Variants in ANO10 observed in about 807,000 individuals in gnomAD.
ANO10 encodes the protein anoctamin 10, also known as anoctamin-10.
Under a neutral mutation model 74.7 loss-of-function variants are expected in ANO10, and 77 were observed. The ratio of observed to expected loss-of-function variants is 1.03; its 90% CI spans 0.86 to 1.25. The LOEUF (loss-of-function observed/expected upper bound fraction) is 1.25, where lower values mean the gene tolerates loss of function less well. ANO10 is among the 50% of genes most tolerant of loss of function. ANO10 has a pLI of 0.00. For synonymous variants in ANO10, 279 were observed against 284.9 expected (o/e 0.98, Z 0.21); for missense variants, 721 against 778.1 (o/e 0.93, Z 0.87).
intron 12 of ANO10, among the ~76,000 whole-genome samples, chr3:43,411,861 CTGTCACTG>C (rs2092670255): frequency 6.6e-6 from 1 of 152,086 alleles, no homozygotes; most frequent in Non-Finnish European, 1.5e-5. Flanking sequence ...CTTTCTGAGA[CTGTCACTG>C]TGTTAGGATG....
At chr3:43,681,194 CAG>C (rs1308196254) in intron 1 of ANO10, among the ~76,000 whole-genome samples, 1 of 151,980 alleles carries the variant, frequency 6.6e-6, no homozygotes, top group African/African-American at 2.4e-5. Flanking sequence ...ATCTCACATG[CAG>C]AGACACACAT....
intron 1 of ANO10, among the ~76,000 whole-genome samples, chr3:43,651,817 G>A (rs943140672): frequency 3.3e-5 from 5 of 152,196 alleles, no homozygotes; most frequent in African/African-American, 1.2e-4. Flanking sequence ...GTTCAATCAA[G>A]TTCAAAACTT....
chr3:43,506,760 A>G (rs528319694), intron 11 of ANO10, among the ~76,000 whole-genome samples: 5 of 152,202 alleles, frequency 3.3e-5, no homozygotes, highest in Admixed American at 3.3e-4. Context: ...CCAGGTCTTA[A>G]CCCAGAAATC....
rs184549291 is a variant in ANO10, at chr3:43,632,563, G to C, written c.-11-26700C>G. On this transcript the variant is annotated intron_variant, in intron 1 of 3. Transcript: ENST00000413397. ...ATCCCTCATGGTTTCCCTAAACTTT[G>C]CTCACACATTTGTGAATAGTCTCTT... 3.9e-5 allele frequency among the ~76,000 whole-genome samples: 6 copies of C among 152,340 alleles called. No individual in the cohort carries two copies. The East Asian group carries it at 9.6e-4, about 24-fold the overall frequency.
chr3:43,691,127 A>C, intron 1 of ANO10: 1 of 1,293,984 alleles, frequency 7.7e-7, no homozygotes, highest in Non-Finnish European at 1.0e-6. Flanking sequence ...AGCACCAAGG[A>C]GTCGCCGCCC....
chr3:43,432,215 C>T (rs935745474), intron 12 of ANO10, among the ~76,000 whole-genome samples: 11 of 150,534 alleles, frequency 7.3e-5, no homozygotes, highest in African/African-American at 2.7e-4. Context: ...CACACCTGAT[C>T]TCATTCTGTC....
intron 1 of ANO10, among the ~76,000 whole-genome samples, chr3:43,620,747 A>G (rs972525145): frequency 6.6e-6 from 1 of 152,234 alleles, no homozygotes; most frequent in Non-Finnish European, 1.5e-5. Context: ...CCTGAGCGAC[A>G]GAGCAAGACT....
chr3:43,429,642 C>A (rs12492694), intron 12 of ANO10, among the ~76,000 whole-genome samples: 70,187 of 151,970 alleles, frequency 0.46, 18,356 homozygotes, highest in East Asian at 0.77. Flanking sequence ...TATGCCCTCT[C>A]ACGCATTTTT....
intron 1 of ANO10, among the ~76,000 whole-genome samples, chr3:43,610,942 G>C (rs1207410141): frequency 6.6e-6 from 1 of 152,120 alleles, no homozygotes; most frequent in Non-Finnish European, 1.5e-5. Flanking sequence ...ATAACTTCAG[G>C]AGAGTATCAA....
At chr3:43,539,056 C>T (rs1424788923) in intron 11 of ANO10, among the ~76,000 whole-genome samples, 3 of 152,040 alleles carry the variant, frequency 2.0e-5, no homozygotes, top group Non-Finnish European at 4.4e-5. Context: ...CCTTAGAGCC[C>T]TCCATCAGTT....
intron 7 of ANO10, among the ~76,000 whole-genome samples, chr3:43,566,100 T>G (rs1353561965): frequency 1.3e-5 from 2 of 152,094 alleles, no homozygotes; most frequent in Admixed American, 1.3e-4. Context: ...ATCGGGTCAC[T>G]CCCACCAGAA....
chr3:43,602,338 A>T (rs566092479), intron 2 of ANO10, among the ~76,000 whole-genome samples: 21 of 152,072 alleles, frequency 1.4e-4, no homozygotes, highest in East Asian at 1.2e-3. Context: ...TTTATTAATT[A>T]ATTAATTTAT....
At chr3:43,412,447 C>T (rs949438056) in intron 12 of ANO10, among the ~76,000 whole-genome samples, 6 of 152,186 alleles carry the variant, frequency 3.9e-5, no homozygotes, top group Non-Finnish European at 8.8e-5. Context: ...TGGCTGAACA[C>T]ACCGTTGCCT....
Position 43,432,679 on chromosome 3 carries a change from T to C in ANO10, c.1846A>G (p.Lys616Glu). The C allele has an allele frequency of 1.2e-6, 2 of 1,613,952 alleles. No homozygotes were observed. The highest frequency in any genetic ancestry group is 8.5e-7 in the Non-Finnish European group (1 of 1,179,916). Residue 616 changes from lysine (K) to glutamate (E), a missense_variant, in exon 12 of 13, where the codon AAG (lysine) becomes GAG (glutamate). Lys to Glu is a moderately conservative substitution (Grantham distance 56). Transcript: ENST00000292246. ...KFILAFAIPD[K>E]PRHIQMKLAR... ...AGTTTCATCTGGATATGCCGTGGCT[T>C]ATCAGGTATGGCAAATGCAAGTATA...
At chr3:43,503,547 G>A (rs960496265) in intron 11 of ANO10, among the ~76,000 whole-genome samples, 2 of 152,206 alleles carry the variant, frequency 1.3e-5, no homozygotes, top group Non-Finnish European at 2.9e-5. Context: ...ATGAAGAGAA[G>A]GGGGCAGAGC....
chr3:43,518,779 T>C (rs2077821200), intron 11 of ANO10, among the ~76,000 whole-genome samples: 1 of 152,154 alleles, frequency 6.6e-6, no homozygotes, highest in Non-Finnish European at 1.5e-5. Flanking sequence ...TAGTAAATTT[T>C]AGTCAGACCG....
intron 12 of ANO10, among the ~76,000 whole-genome samples, chr3:43,415,273 G>A (rs781572982): frequency 1.3e-5 from 2 of 151,402 alleles, no homozygotes; most frequent in Non-Finnish European, 2.9e-5. Context: ...CACCGTGCCC[G>A]GCTGTGCCCA....
At chr3:43,375,076 G>A (rs775258508) in intron 12 of ANO10, among the ~76,000 whole-genome samples, 1 of 151,834 alleles carries the variant, frequency 6.6e-6, no homozygotes, top group Non-Finnish European at 1.5e-5. Flanking sequence ...AGCCGAGATT[G>A]CGCCACTACA....
At chr3:43,566,305 T>C (rs1020550664) in intron 7 of ANO10, among the ~76,000 whole-genome samples, 16 of 152,148 alleles carry the variant, frequency 1.1e-4, no homozygotes, top group Non-Finnish European at 1.8e-4. Context: ...ACAAAGCAGC[T>C]GGGAAGCTCG....
Sources: gnomAD v4.1 joint callset for allele counts (sites outside exome capture counted in the v4.1 genomes callset) on GRCh38, gnomAD v4.1.1 for gene constraint, MANE v1.5 for transcripts, NCBI Gene and HGNC (gene_info 2026-07-23, HGNC 2026-07-21) for gene names.